The following TF variants were observed in gnomAD, a reference collection of about 807,000 sequenced individuals.
TF encodes the protein transferrin.
In TF, 55 loss-of-function variants were observed where a neutral mutation model predicts 82.4. The ratio of observed to expected loss-of-function variants is 0.67; its 90% CI spans 0.54 to 0.84. TF has a LOEUF of 0.84. Ranked by LOEUF, TF falls within the 40% of genes least tolerant of loss-of-function variation. The pLI, the probability that TF is intolerant of heterozygous loss-of-function variation, is 0.00. For missense variants in TF, 737 were observed against 868.4 expected, an observed-to-expected ratio of 0.85 and a Z score of 1.90; for synonymous variants, 332 against 332.6, an observed-to-expected ratio of 1.00 and a Z score of 0.02.
the TF span, among the ~76,000 whole-genome samples, chr3:133,696,022 C>T: frequency 5.3e-5 from 8 of 152,110 alleles, no homozygotes; most frequent in East Asian, 1.9e-4. Context: ...TGGCACTTCC[C>T]GTTTATGTAG....
the TF span, among the ~76,000 whole-genome samples, chr3:133,686,898 A>G: frequency 2.6e-5 from 4 of 152,238 alleles, no homozygotes; most frequent in African/African-American, 7.2e-5. Context: ...ATGCACACCT[A>G]TGTTTATTGT....
At chr3:133,670,647 C>T in the TF span, among the ~76,000 whole-genome samples, 1 of 152,212 alleles carries the variant, frequency 6.6e-6, no homozygotes, top group African/African-American at 2.4e-5. Flanking sequence ...TAGGAGATTG[C>T]TCAACCCACT....
Position 133,791,359 on chromosome 3 carries a change from T to C in TF, c.*12739T>C, listed in dbSNP as rs1168074385. The C allele has an allele frequency of 6.6e-6, 1 of 152,188 alleles. No homozygotes were observed. Among genetic ancestry groups the C allele is most frequent in the Non-Finnish European group, 1.5e-5 (1 of 68,032 alleles). 9.4% of individuals were successfully genotyped at this position (152,188 alleles called of 1,614,324 possible). On this transcript the variant is annotated 3_prime_UTR_variant, in exon 17 of 17. Transcript: ENST00000402696. ...TGAATATTCTTAATTCATGGCAATGTGTTTGTTTGCATATAGTCAAGCAGG... is the reference window on the plus strand; with the variant it reads ...TGAATATTCTTAATTCATGGCAATGCGTTTGTTTGCATATAGTCAAGCAGG...
chr3:133,714,118 G>A, the TF span, among the ~76,000 whole-genome samples: 1 of 152,184 alleles, frequency 6.6e-6, no homozygotes, highest in South Asian at 2.1e-4. Context: ...AGCAACGTAG[G>A]ATGAAGGAAC....
At chr3:133,746,167 T>G, upstream of TF, 4 of 549,494 alleles carry the variant, frequency 7.3e-6, no homozygotes, top group Admixed American at 3.0e-5. Context: ...AATGGCTGCA[T>G]TGTGCTTCAT....
chr3:133,708,239 A>G, the TF span, among the ~76,000 whole-genome samples: 2 of 152,208 alleles, frequency 1.3e-5, no homozygotes, highest in African/African-American at 2.4e-5. Flanking sequence ...TGATGTAGCC[A>G]TATCTATCAC....
intron 6 of TF, among the ~76,000 whole-genome samples, chr3:133,756,614 C>T (rs1036964909): frequency 2.0e-5 from 3 of 152,076 alleles, no homozygotes; most frequent in South Asian, 2.1e-4. Flanking sequence ...AGATCAGGCT[C>T]ATGGTGGAAT....
At chr3:133,675,648 A>T in the TF span, among the ~76,000 whole-genome samples, 1 of 152,246 alleles carries the variant, frequency 6.6e-6, no homozygotes, top group Non-Finnish European at 1.5e-5. Flanking sequence ...CCTTCGAGTC[A>T]CAGCAGGTTT....
At chr3:133,764,986 A>T in intron 11 of TF, 79 bp downstream of exon 11, 1 of 1,488,924 alleles carries the variant, frequency 6.7e-7, no homozygotes, top group Non-Finnish European at 9.4e-7. Flanking sequence ...TTAAAATTCA[A>T]GTATATAAGG....
At chr3:133,776,065 A>C (rs1006337775) in intron 15 of TF, among the ~76,000 whole-genome samples, 1 of 152,192 alleles carries the variant, frequency 6.6e-6, no homozygotes, top group Admixed American at 6.5e-5. Context: ...GATCTGATCC[A>C]TGTACTCTTG....
intron 4 of TF, among the ~76,000 whole-genome samples, chr3:133,755,008 C>T (rs748009932): frequency 5.3e-5 from 8 of 152,226 alleles, no homozygotes; most frequent in Non-Finnish European, 1.0e-4. Flanking sequence ...TGGAGCCCTG[C>T]ACCTCTCTTA....
At chr3:133,667,191 G>C in the TF span, among the ~76,000 whole-genome samples, 1 of 151,852 alleles carries the variant, frequency 6.6e-6, no homozygotes, top group East Asian at 1.9e-4. Flanking sequence ...AAAAAGTTTT[G>C]TTGTTTTTTT....
At chr3:133,778,137 C>T (rs917652502) in intron 16 of TF, 10 of 178,252 alleles carry the variant, frequency 5.6e-5, no homozygotes, top group South Asian at 1.3e-4. Context: ...TGATATTTAC[C>T]TAACCTATAT....
chr3:133,724,571 G>A, the TF span, among the ~76,000 whole-genome samples: 5 of 152,176 alleles, frequency 3.3e-5, no homozygotes, highest in Non-Finnish European at 5.9e-5. Flanking sequence ...TGTCAGATGA[G>A]TCGGTTGCGA....
At chr3:133,701,437 C>G in the TF span, among the ~76,000 whole-genome samples, 1 of 152,198 alleles carries the variant, frequency 6.6e-6, no homozygotes, top group Admixed American at 6.5e-5. Context: ...TTATTTCTTC[C>G]TTCTTTCCTT....
At chr3:133,766,189 CTT>C in intron 11 of TF, 87 bp from the exon 12 acceptor site, 2 of 1,289,696 alleles carry the variant, frequency 1.6e-6, no homozygotes, top group African/African-American at 2.9e-5. Flanking sequence ...TTGAGGATAT[CTT>C]TGCTTCCCTA....
chr3:133,756,908 T>C lies in TF; in HGVS notation c.769T>C (p.Tyr257His). ...LDNTRKPVDE[Y>H]KDCHLAQVPS... ...CAACACCCGGAAGCCGGTAGATGAATACAAGGACTGCCACTTGGCCCAGGT... is the reference window on the plus strand; with the variant it reads ...CAACACCCGGAAGCCGGTAGATGAACACAAGGACTGCCACTTGGCCCAGGT... Residue 257 changes from tyrosine (Y) to histidine (H), a missense_variant, in exon 7 of 17, where the codon TAC becomes CAC. Transcript: ENST00000402696. 1 of 1,614,174 alleles carries C rather than the reference T, an allele frequency of 6.2e-7. No individual in the cohort carries two copies. Among genetic ancestry groups the C allele is most frequent in the Non-Finnish European group, 8.5e-7 (1 of 1,180,024 alleles).
At chr3:133,775,317 G>A (rs1480386522) in intron 14 of TF, 116 bp from the exon 15 acceptor site, 8 of 1,021,386 alleles carry the variant, frequency 7.8e-6, no homozygotes, top group Admixed American at 1.8e-5. Flanking sequence ...CCCAGTGTGG[G>A]CACTTCTGCT....
At chr3:133,693,658 C>T in the TF span, among the ~76,000 whole-genome samples, 1 of 152,144 alleles carries the variant, frequency 6.6e-6, no homozygotes, top group South Asian at 2.1e-4. Context: ...GCTGGTAGCC[C>T]ACCTCCTACC....
Sources: allele counts gnomAD v4.1 joint callset (sites outside exome capture counted in the v4.1 genomes callset), GRCh38; gene constraint gnomAD v4.1.1; transcripts MANE v1.5; gene names NCBI Gene and HGNC (gene_info 2026-07-23, HGNC 2026-07-21).